NEK7: variants seen among roughly 807,000 people sequenced by gnomAD.
NEK7 encodes serine/threonine-protein kinase Nek7.
NEK7 carries 18 observed loss-of-function variants against 44.6 expected under a neutral mutation model. The ratio of observed to expected loss-of-function variants is 0.40; its 90% confidence interval spans 0.28 to 0.60. The LOEUF (loss-of-function observed/expected upper bound fraction) is 0.60, where lower values mean the gene tolerates loss of function less well. NEK7 is among the 20% of genes least tolerant of loss of function. The probability of loss-of-function intolerance (pLI) is 0.38; values close to 1 mark genes in which losing one functional copy is unlikely to be tolerated. For synonymous variants in NEK7, 130 were observed against 121.1 expected, an observed-to-expected ratio of 1.07 and a Z score of -0.48; for missense variants, 256 against 366.5, an observed-to-expected ratio of 0.70 and a Z score of 2.46.
intron 1 of NEK7, among the ~76,000 whole-genome samples, chr1:198,176,084 C>A (rs1410242733): frequency 6.6e-6 from 1 of 152,136 alleles, no homozygotes; most frequent in Non-Finnish European, 1.5e-5. Context: ...ACTAAGGTTT[C>A]CTGATGGTTA....
chr1:198,293,776 GC>G (rs1432185505), intron 8 of NEK7, among the ~76,000 whole-genome samples: 3 of 151,832 alleles, frequency 2.0e-5, no homozygotes, highest in Non-Finnish European at 3.0e-5. Flanking sequence ...TCGAGTCAAA[GC>G]TGTTAATTAA....
intron 9 of NEK7, among the ~76,000 whole-genome samples, chr1:198,303,575 T>G (rs971021744): frequency 6.6e-6 from 1 of 152,140 alleles, no homozygotes; most frequent in Non-Finnish European, 1.5e-5. Flanking sequence ...TTTTTATTCA[T>G]TTGAGCAGTC....
At chr1:198,163,981 C>T (rs542627937) in intron 1 of NEK7, among the ~76,000 whole-genome samples, 125 of 152,204 alleles carry the variant, frequency 8.2e-4, no homozygotes, top group African/African-American at 2.9e-3. Context: ...TGGCTCACAC[C>T]TGTAATCCCA....
chr1:198,202,147 C>T (rs1665448914), intron 1 of NEK7, among the ~76,000 whole-genome samples: 1 of 152,002 alleles, frequency 6.6e-6, no homozygotes, highest in African/African-American at 2.4e-5. Context: ...CAGACGTAGC[C>T]TCAGCAGCAC....
chr1:198,293,384 G>A (rs1415573739), intron 8 of NEK7, among the ~76,000 whole-genome samples: 1 of 151,726 alleles, frequency 6.6e-6, no homozygotes, highest in Non-Finnish European at 1.5e-5. Context: ...ATAATGGATT[G>A]GATTTAATAT....
chr1:198,174,809 G>T (rs529097944), intron 1 of NEK7, among the ~76,000 whole-genome samples: 2 of 152,078 alleles, frequency 1.3e-5, no homozygotes, highest in African/African-American at 4.8e-5. Flanking sequence ...CCAGGCTGGA[G>T]CATTGTGGCA....
intron 1 of NEK7, among the ~76,000 whole-genome samples, chr1:198,200,307 CCTT>C (rs1665387802): frequency 1.3e-5 from 2 of 152,172 alleles, no homozygotes; most frequent in African/African-American, 4.8e-5. Flanking sequence ...TTGTCCTCCT[CCTT>C]ATTTTGGTTT....
chr1:198,184,498 ATCAT>A (rs1176555407), intron 1 of NEK7, among the ~76,000 whole-genome samples: 4 of 152,148 alleles, frequency 2.6e-5, no homozygotes, highest in Admixed American at 2.6e-4. Flanking sequence ...ATTTTTCTAG[ATCAT>A]TCAAAGATCT....
intron 1 of NEK7, among the ~76,000 whole-genome samples, chr1:198,225,134 G>A (rs1401330504): frequency 3.3e-5 from 5 of 151,732 alleles, no homozygotes; most frequent in African/African-American, 1.2e-4. Context: ...CTTGAGCCTA[G>A]GAGTACAAGA....
chr1:198,170,227 G>A (rs1664395771), intron 1 of NEK7, among the ~76,000 whole-genome samples: 2 of 152,120 alleles, frequency 1.3e-5, no homozygotes, highest in South Asian at 2.1e-4. Context: ...TCAGAGTGGG[G>A]TGAGATAGGA....
rs1664102780 is a variant in NEK7, at chr1:198,161,395, G to A, written c.-29+4119G>A. On this transcript the variant is annotated intron_variant, in intron 1 of 9. Coordinates refer to ENST00000367385, the MANE Select transcript of NEK7 (RefSeq NM_133494.3). ...AGCCAAATACAGTATCTGACCAAGTGGGCATAGGTGTGTTCAAATAAAGCT... is the reference window on the plus strand; with the variant it reads ...AGCCAAATACAGTATCTGACCAAGTAGGCATAGGTGTGTTCAAATAAAGCT... 2.6e-5 allele frequency among the ~76,000 whole-genome samples: 4 copies of A among 152,264 alleles called. No homozygotes were observed. The South Asian group carries it at 8.3e-4, about 32-fold the overall frequency.
chr1:198,249,584 T>C (rs886365597), intron 2 of NEK7, among the ~76,000 whole-genome samples: 11 of 152,198 alleles, frequency 7.2e-5, no homozygotes, highest in African/African-American at 2.2e-4. Flanking sequence ...CCATTCTAAC[T>C]GGTGTGAGAT....
intron 2 of NEK7, among the ~76,000 whole-genome samples, chr1:198,235,668 T>C (rs1666528000): frequency 6.6e-6 from 1 of 152,190 alleles, no homozygotes; most frequent in Non-Finnish European, 1.5e-5. Context: ...TGGGTGAAGA[T>C]GGCTATGGTA....
At chr1:198,249,588 G>A (rs1456108729) in intron 2 of NEK7, among the ~76,000 whole-genome samples, 2 of 152,158 alleles carry the variant, frequency 1.3e-5, no homozygotes, top group African/African-American at 4.8e-5. Flanking sequence ...TCTAACTGGT[G>A]TGAGATGGTA....
At chr1:198,209,047 A>G (rs1047701748) in intron 1 of NEK7, among the ~76,000 whole-genome samples, 77 of 149,668 alleles carry the variant, frequency 5.1e-4, no homozygotes, top group Admixed American at 3.4e-3. Flanking sequence ...GTATATATAT[A>G]TATATATATA....
At chr1:198,163,209 T>G (rs1448631627) in intron 1 of NEK7, among the ~76,000 whole-genome samples, 2 of 152,200 alleles carry the variant, frequency 1.3e-5, no homozygotes, top group African/African-American at 4.8e-5. Flanking sequence ...TAAAGTGATA[T>G]GATACCGGCA....
intron 9 of NEK7, among the ~76,000 whole-genome samples, chr1:198,317,877 ATTT>A (rs34704209): frequency 4.3e-5 from 3 of 70,268 alleles, no homozygotes; most frequent in African/African-American, 1.3e-4. Flanking sequence ...GGATATATTT[ATTT>A]TTTTTTTTTT....
At chr1:198,164,579 A>G (rs148776121) in intron 1 of NEK7, among the ~76,000 whole-genome samples, 27 of 152,364 alleles carry the variant, frequency 1.8e-4, no homozygotes, top group African/African-American at 4.8e-4. Context: ...ACTGTAGTCT[A>G]TACAGTGTGC....
intron 7 of NEK7, among the ~76,000 whole-genome samples, chr1:198,287,527 A>G (rs1654412430): frequency 1.3e-5 from 2 of 152,300 alleles, no homozygotes; most frequent in Middle Eastern, 3.4e-3. Flanking sequence ...AGATTTTCAC[A>G]TTTTTATTAT....
Sources: gnomAD v4.1 joint callset for allele counts (sites outside exome capture counted in the v4.1 genomes callset) on GRCh38, gnomAD v4.1.1 for gene constraint, MANE v1.5 for transcripts, NCBI Gene and HGNC (gene_info 2026-07-23, HGNC 2026-07-21) for gene names.